The following MAP3K9 variants were observed in gnomAD, a reference collection of about 807,000 sequenced individuals.
MAP3K9 encodes the protein mixed lineage kinase 1 (tyr and ser/thr specificity).
MAP3K9 carries 46 observed loss-of-function variants against 95.8 expected under a neutral mutation model. The observed-to-expected ratio is 0.48, with a 90% CI of 0.38 to 0.61. The LOEUF (loss-of-function observed/expected upper bound fraction) is 0.61. MAP3K9 is among the 20% of genes least tolerant of loss of function. The pLI, the probability that MAP3K9 is intolerant of heterozygous loss-of-function variation, is 0.00. For synonymous variants in MAP3K9, 533 were observed against 593.8 expected, an observed-to-expected ratio of 0.90 and a Z score of 1.49; for missense variants, 1,296 against 1,474.3, an observed-to-expected ratio of 0.88 and a Z score of 1.98.
intron 2 of MAP3K9, among the ~76,000 whole-genome samples, chr14:70,779,460 G>T (rs959756334): frequency 6.6e-6 from 1 of 152,148 alleles, no homozygotes; most frequent in South Asian, 2.1e-4. Flanking sequence ...TCACATACAC[G>T]GAGAAAGAGT....
In MAP3K9 at chr14:70,742,512, T is replaced by C. The variant is rs768128204; in HGVS notation, c.1406A>G (p.Glu469Gly). ...AATCTCCCGCTCGGCCAGCTCCTGC[T>C]CCCGACGCCGCAGCAGTTCCTCCTG... is the stretch of plus-strand genomic sequence containing the variant. ...KNQEELLRRR[E>G]QELAEREIDI... The change falls in exon 6 of 12, where the codon GAG becomes GGG. Residue 469 changes from glutamate to glycine, a missense_variant. Around this residue, in one of 5 missense-constraint regions of MAP3K9, gnomAD observed 377 missense variants for 417.1 expected, o/e 0.90. Coordinates refer to ENST00000554752, the MANE Select transcript of MAP3K9 (RefSeq NM_001284230.2). 1 of 1,614,226 alleles carries C rather than the reference T, an allele frequency of 6.2e-7. No individual in the cohort carries two copies. Among genetic ancestry groups the C allele is most frequent in the East Asian group, 2.2e-5 (1 of 44,890 alleles).
intron 5 of MAP3K9, among the ~76,000 whole-genome samples, chr14:70,743,735 G>A (rs979689074): frequency 6.6e-6 from 1 of 152,200 alleles, no homozygotes; most frequent in Non-Finnish European, 1.5e-5. Flanking sequence ...GGAGAAACAG[G>A]AATGCTTTTA....
chr14:70,731,345 A>C (rs1454236887), intron 11 of MAP3K9, among the ~76,000 whole-genome samples: 1 of 152,136 alleles, frequency 6.6e-6, no homozygotes, highest in Non-Finnish European at 1.5e-5. Context: ...GCTACTTGGG[A>C]GGCTGAGGCA....
intron 2 of MAP3K9, among the ~76,000 whole-genome samples, chr14:70,796,724 T>C (rs1165064148): frequency 1.3e-5 from 2 of 152,114 alleles, no homozygotes; most frequent in African/African-American, 2.4e-5. Flanking sequence ...CCCTCATCCT[T>C]CAGGCCTGTG....
At chr14:70,795,910 C>G (rs2054859540) in intron 2 of MAP3K9, among the ~76,000 whole-genome samples, 1 of 152,108 alleles carries the variant, frequency 6.6e-6, no homozygotes, top group South Asian at 2.1e-4. Context: ...CGCCCACCAC[C>G]ACCCCAGGCT....
At chr14:70,747,407 C>T (rs1261657681) in intron 5 of MAP3K9, among the ~76,000 whole-genome samples, 1 of 152,186 alleles carries the variant, frequency 6.6e-6, no homozygotes, top group Admixed American at 6.5e-5. Context: ...TGTTTGCTAC[C>T]ATGATTATAA....
chr14:70,740,724 A>G (rs1034216434), intron 6 of MAP3K9, among the ~76,000 whole-genome samples: 1 of 152,210 alleles, frequency 6.6e-6, no homozygotes, highest in African/African-American at 2.4e-5. Flanking sequence ...TGTAAAACTT[A>G]CAGGTCTGAA....
intron 1 of MAP3K9, among the ~76,000 whole-genome samples, chr14:70,801,367 C>T (rs2054928391): frequency 6.6e-6 from 1 of 152,240 alleles, no homozygotes; most frequent in Non-Finnish European, 1.5e-5. Context: ...CAACTATTGT[C>T]ACTAAAGGGA....
Position 70,754,479 on chromosome 14 carries a change from A to G in MAP3K9, c.1002-4398T>C, listed in dbSNP as rs183567139. Among the ~76,000 whole-genome samples the G allele has an allele frequency of 1.9e-3, 285 of 152,058 alleles. 1 individual carries two copies. Among genetic ancestry groups the G allele is most frequent in the African/African-American group, 6.5e-3 (271 of 41,466 alleles). ...TTTTTTCTACAGAAAACGTTTTGCT[A>G]TTGTAATTTTGAGACAGAGTCTTGC... is the stretch of plus-strand genomic sequence containing the variant. On this transcript the variant is annotated intron_variant, in intron 3 of 11. Coordinates refer to ENST00000554752, the MANE Select transcript of MAP3K9 (RefSeq NM_001284230.2).
In MAP3K9 at chr14:70,800,880, T is replaced by C. The variant is rs748780174; in HGVS notation, c.607A>G (p.Ile203Val). ...KLFAMLKHPN[I>V]IALRGVCLKE... is the part of the protein sequence containing the mutation. The stretch of plus-strand genomic sequence containing the variant: ...AGACATACCCCTCTTAGGGCAATGA[T>C]GTTGGGGTGCTTCAGCATGGCGAAG... Residue 203 changes from isoleucine to valine, a missense_variant, in exon 2 of 12, where the codon ATC (isoleucine) becomes GTC (valine). By Grantham distance (29) the Ile-to-Val change is conservative. Coordinates refer to ENST00000554752, the MANE Select transcript of MAP3K9 (RefSeq NM_001284230.2). The C allele has an allele frequency of 1.9e-6, 3 of 1,614,200 alleles. No homozygotes were observed. The highest frequency in any genetic ancestry group is 1.1e-5 in the South Asian group (1 of 91,084).
At chr14:70,804,307 G>C (rs916882580) in intron 1 of MAP3K9, among the ~76,000 whole-genome samples, 1 of 152,168 alleles carries the variant, frequency 6.6e-6, no homozygotes, top group Non-Finnish European at 1.5e-5. Context: ...AATAGCTTGA[G>C]AGTTTCTGAG....
Position 70,732,608 on chromosome 14 carries a change from G to A in MAP3K9, c.2761C>T (p.Leu921Phe). The change falls in exon 11 of 12, where the codon CTT (leucine) becomes TTT (phenylalanine). Residue 921 changes from leucine (L) to phenylalanine (F), a missense_variant. Physicochemically the swap from Leu to Phe is conservative, Grantham distance 22 (BLOSUM62 0). Coordinates refer to ENST00000554752, the MANE Select transcript of MAP3K9 (RefSeq NM_001284230.2). ...CTGGCTAGGAGAGTCTCTGGCTTAA[G>A]GGCCCCATCAGAAGGAGTCCGCCGG... ...SHRRTPSDGA[L>F]KPETLLASRS... 4 of 1,607,310 alleles carry A rather than the reference G, an allele frequency of 2.5e-6. No individual in the cohort carries two copies. The highest frequency in any genetic ancestry group is 3.4e-6 in the Non-Finnish European group (4 of 1,176,250).
At chr14:70,763,989 TC>T (rs1251725007) in intron 2 of MAP3K9, among the ~76,000 whole-genome samples, 1 of 149,724 alleles carries the variant, frequency 6.7e-6, no homozygotes, top group Non-Finnish European at 1.5e-5. Context: ...ATCGAGACCA[TC>T]CTGGCTAACA....
At chr14:70,766,929 C>T (rs1330279815) in intron 2 of MAP3K9, among the ~76,000 whole-genome samples, 1 of 152,192 alleles carries the variant, frequency 6.6e-6, no homozygotes, top group Non-Finnish European at 1.5e-5. Flanking sequence ...ACACTATATG[C>T]ACTTCTAATC....
chr14:70,726,916 G>A lies in MAP3K9; in HGVS notation c.*3464C>T, dbSNP rs2053827336. On this transcript the variant is annotated 3_prime_UTR_variant, in exon 12 of 12. Transcript: ENST00000554752. ...ATGTGATGATTGCTTTTAAAGGAAGGAAATCTGAGAGGGGCTAAAGAGACA... is the reference window on the plus strand; with the variant it reads ...ATGTGATGATTGCTTTTAAAGGAAGAAAATCTGAGAGGGGCTAAAGAGACA... The A allele has an allele frequency of 2.0e-5, 3 of 152,288 alleles. No individual in the cohort carries two copies. In the East Asian group the frequency reaches 5.8e-4, roughly 29 times the overall value. The allele number at this position is 152,288 out of a possible 1,614,324, so 9.4% of individuals were successfully genotyped here. A position where few individuals can be genotyped will look rare whatever the true frequency, so the allele number is the denominator to read the frequency against.
Position 70,779,610 on chromosome 14 carries a change from T to A in MAP3K9, c.821-18428A>T, listed in dbSNP as rs149052072. Among the ~76,000 whole-genome samples the A allele has an allele frequency of 5.7e-3, 863 of 152,290 alleles. 6 individuals carry two copies. Among genetic ancestry groups the A allele is most frequent in the Non-Finnish European group, 9.5e-3 (647 of 68,010 alleles). ...GTTTAGTGGTCCCACTCCTCCTACC[T>A]CTAGGCTAACATTCACCCACCCACT... is the stretch of plus-strand genomic sequence containing the variant. On this transcript the variant is annotated intron_variant, in intron 2 of 11. Transcript: ENST00000554752.
intron 2 of MAP3K9, among the ~76,000 whole-genome samples, chr14:70,769,677 C>G (rs1471600898): frequency 6.6e-6 from 1 of 152,204 alleles, no homozygotes; most frequent in Non-Finnish European, 1.5e-5. Context: ...TTTAGTGTCC[C>G]TTGGCTCGTA....
intron 5 of MAP3K9, 67 bp from the exon 6 acceptor site, chr14:70,742,658 G>A: frequency 1.3e-6 from 2 of 1,555,868 alleles, no homozygotes; most frequent in South Asian, 1.2e-5. Flanking sequence ...TCTGGGGTGA[G>A]GCCTGAGAGC....
In MAP3K9 at chr14:70,727,047, C is replaced by T. The variant is rs1022465935; in HGVS notation, c.*3333G>A. The T allele has an allele frequency of 6.6e-6, 1 of 152,202 alleles. No individual in the cohort carries two copies. The highest frequency in any genetic ancestry group is 1.5e-5 in the Non-Finnish European group (1 of 68,036). 9.4% of individuals were successfully genotyped at this position (152,202 alleles called of 1,614,324 possible). ...ATTAGTCCAAGCCACTTTTTCATTT[C>T]TCTTCACTTGAATTTTCATCTTTAA... On this transcript the variant is annotated 3_prime_UTR_variant, in exon 12 of 12. Transcript: ENST00000554752.
Sources: gnomAD v4.1 joint callset for allele counts (sites outside exome capture counted in the v4.1 genomes callset) on GRCh38, gnomAD v4.1.1 for gene constraint, gnomAD v4.1.1 regional missense constraint, MANE v1.5 for transcripts, NCBI Gene and HGNC (gene_info 2026-07-23, HGNC 2026-07-21) for gene names.